Variants in VRK1 observed in about 807,000 individuals in gnomAD.
VRK1 encodes the protein serine/threonine-protein kinase VRK1.
VRK1 carries 33 observed loss-of-function variants against 57.1 expected under a neutral mutation model. The ratio of observed to expected loss-of-function variants is 0.58; its 90% CI spans 0.44 to 0.77. The LOEUF is 0.77. VRK1 is among the 30% of genes least tolerant of loss of function. The probability of loss-of-function intolerance (pLI) is 0.00; values close to 1 mark genes in which losing one functional copy is unlikely to be tolerated. For missense variants in VRK1, 413 were observed against 477.3 expected (o/e 0.87, Z 1.25); for synonymous variants, 137 against 147.8 (o/e 0.93, Z 0.53).
chr14:96,855,393 A>G, intron 8 of VRK1, 37 bp downstream of exon 8: 1 of 1,613,622 alleles, frequency 6.2e-7, no homozygotes, highest in East Asian at 2.2e-5. Context: ...ATAGACTGCT[A>G]ATGTTTTCAC....
At chr14:96,856,504 GA>G (rs754357846) in intron 9 of VRK1, 23 bp from the exon 10 acceptor site, 1 of 1,594,724 alleles carries the variant, frequency 6.3e-7, no homozygotes. Context: ...AAGCTTCAGT[GA>G]CTCATTCTTT....
intron 11 of VRK1, among the ~76,000 whole-genome samples, chr14:96,870,975 A>C (rs1004692676): frequency 5.9e-5 from 9 of 152,182 alleles, no homozygotes; most frequent in Non-Finnish European, 1.3e-4. Context: ...TGCTGAAAAA[A>C]ATGTGTTGCG....
chr14:96,813,382 C>T (rs1224342757), intron 1 of VRK1, among the ~76,000 whole-genome samples: 3 of 152,142 alleles, frequency 2.0e-5, no homozygotes, highest in Admixed American at 2.0e-4. Flanking sequence ...AAGAAACAGA[C>T]TTTAGAATCT....
chr14:96,847,140 A>G (rs1887733501), intron 4 of VRK1, 117 bp from the exon 5 acceptor site: 1 of 750,870 alleles, frequency 1.3e-6, no homozygotes. Context: ...TTTCTTTTTT[A>G]TGAATACAGG....
At position 96,819,619 on chromosome 14, in the gene VRK1, A is replaced by G. The variant is rs1170617130; in HGVS notation, c.-5-13848A>G. The stretch of plus-strand genomic sequence containing the variant: ...ATCAAAATAGGAGCCATTGCAGTCA[A>G]CACATTTTTGCCAATGAGAAGTAAG... On this transcript the variant is annotated intron_variant, in intron 1 of 12. Transcript: ENST00000216639. Among the ~76,000 whole-genome samples the G allele has an allele frequency of 8.5e-5, 13 of 152,346 alleles. 1 individual carries two copies. The highest frequency in any genetic ancestry group is 3.1e-4 in the African/African-American group (13 of 41,574).
At chr14:96,819,829 C>A (rs964619309) in intron 1 of VRK1, among the ~76,000 whole-genome samples, 2 of 152,272 alleles carry the variant, frequency 1.3e-5, no homozygotes, top group South Asian at 4.1e-4. Context: ...AACTTTGTAG[C>A]CCAATTCATT....
rs529376398 is a variant in VRK1, at chr14:96,881,303, C to A, written c.*95C>A. ...CTGTTTTATTTTCCTGTGAGTCTTG[C>A]GAGGTGGAAGTAATGATTAAATACT... On this transcript the variant is annotated 3_prime_UTR_variant, in exon 13 of 13. Coordinates refer to ENST00000216639, the MANE Select transcript of VRK1 (RefSeq NM_003384.3). 4 of 1,170,480 alleles carry A rather than the reference C, an allele frequency of 3.4e-6. No individual in the cohort carries two copies. Among genetic ancestry groups the A allele is most frequent in the Non-Finnish European group, 3.7e-6 (3 of 813,286 alleles). The allele number at this position is 1,170,480 out of a possible 1,614,324, so 72.5% of individuals were successfully genotyped here. A position where few individuals can be genotyped will look rare whatever the true frequency, so the allele number is the denominator to read the frequency against.
chr14:96,873,102 T>G (rs1431019175), intron 11 of VRK1, among the ~76,000 whole-genome samples: 1 of 152,198 alleles, frequency 6.6e-6, no homozygotes, highest in Non-Finnish European at 1.5e-5. Context: ...TACGCATCTC[T>G]TAGAGACAGC....
intron 1 of VRK1, among the ~76,000 whole-genome samples, chr14:96,826,221 C>G (rs1886796699): frequency 6.6e-6 from 1 of 152,060 alleles, no homozygotes; most frequent in Non-Finnish European, 1.5e-5. Flanking sequence ...AACAGAGGAC[C>G]ATTTTATCAT....
intron 1 of VRK1, among the ~76,000 whole-genome samples, chr14:96,813,327 A>G (rs1186491805): frequency 6.6e-6 from 1 of 152,212 alleles, no homozygotes; most frequent in Non-Finnish European, 1.5e-5. Flanking sequence ...TCATTTAGTA[A>G]GAAATGATAA....
rs1224075235 is a variant in VRK1 at position 96,881,457 on chromosome 14, G to C, written c.*249G>C. The C allele has an allele frequency of 2.5e-6, 1 of 406,834 alleles. No homozygotes were observed. The highest frequency in any genetic ancestry group is 2.0e-5 in the African/African-American group (1 of 49,220). The allele number at this position is 406,834 out of a possible 1,614,324, so 25.2% of individuals were successfully genotyped here. ...TATCCCAAAGCCGTGTGTTTGTGAT[G>C]TTTTGGAGTACATATATATGAAAAT... On this transcript the variant is annotated 3_prime_UTR_variant, in exon 13 of 13. Transcript: ENST00000216639.
At position 96,881,473 on chromosome 14, in the gene VRK1, A is replaced by G. The variant is rs1045127423; in HGVS notation, c.*265A>G. The G allele has an allele frequency of 2.8e-5, 10 of 351,700 alleles. No individual in the cohort carries two copies. The highest frequency in any genetic ancestry group is 8.4e-5 in the African/African-American group (4 of 47,502). 21.8% of individuals were successfully genotyped at this position (351,700 alleles called of 1,614,324 possible). ...GTTTGTGATGTTTTGGAGTACATAT[A>G]TATGAAAATTATTATGACACGCACT... On this transcript the variant is annotated 3_prime_UTR_variant, in exon 13 of 13. Coordinates refer to ENST00000216639, the MANE Select transcript of VRK1 (RefSeq NM_003384.3).
intron 1 of VRK1, among the ~76,000 whole-genome samples, chr14:96,798,689 ACATGCTGAG>A (rs1357455846): frequency 4.6e-5 from 7 of 152,302 alleles, no homozygotes; most frequent in African/African-American, 1.7e-4. Flanking sequence ...TTTCTTTATG[ACATGCTGAG>A]CATGATACTT....
In VRK1 at chr14:96,853,233, A is replaced by G. The variant is rs527957398; in HGVS notation, c.576+67A>G. The G allele has an allele frequency of 6.6e-5, 92 of 1,401,292 alleles. 1 individual carries two copies. The highest frequency in any genetic ancestry group is 3.6e-4 in the Middle Eastern group (2 of 5,602). 86.8% of individuals were successfully genotyped at this position (1,401,292 alleles called of 1,614,324 possible). Reference sequence around the variant, plus strand: ...TTTGAAAATAAATATGGTTGCTTTGAACTTTTGAACCTGTGTAGAAGTTTT... The same window carrying G: ...TTTGAAAATAAATATGGTTGCTTTGGACTTTTGAACCTGTGTAGAAGTTTT... On this transcript the variant is annotated intron_variant, in intron 7 of 12. Coordinates refer to ENST00000216639, the MANE Select transcript of VRK1 (RefSeq NM_003384.3).
At chr14:96,873,719 G>A (rs775081315) in intron 11 of VRK1, among the ~76,000 whole-genome samples, 10 of 152,210 alleles carry the variant, frequency 6.6e-5, no homozygotes, top group Non-Finnish European at 1.3e-4. Flanking sequence ...GAAGCTGGGA[G>A]CAGATTGCTT....
intron 2 of VRK1, among the ~76,000 whole-genome samples, chr14:96,836,153 T>C (rs190172925): frequency 6.6e-6 from 1 of 152,178 alleles, no homozygotes; most frequent in Non-Finnish European, 1.5e-5. Flanking sequence ...TTATTTTACA[T>C]TGTTTTTGTA....
intron 2 of VRK1, 39 bp downstream of exon 2, chr14:96,833,670 T>A (rs201819730): frequency 5.0e-6 from 8 of 1,612,452 alleles, no homozygotes; most frequent in African/African-American, 2.7e-5. Flanking sequence ...ATCCAAAGAT[T>A]TATATGTTTT....
intron 1 of VRK1, among the ~76,000 whole-genome samples, chr14:96,820,773 A>G (rs28373911): frequency 0.02 from 3,103 of 152,282 alleles, 114 homozygotes; most frequent in African/African-American, 0.07. Context: ...AAAAACCACA[A>G]TTATTTTTGC....
At chr14:96,856,481 A>G in intron 9 of VRK1, 47 bp from the exon 10 acceptor site, 6 of 1,476,132 alleles carry the variant, frequency 4.1e-6, no homozygotes, top group Non-Finnish European at 5.7e-6. Context: ...ATTTCATATT[A>G]ACATATGACA....
Sources: gnomAD v4.1 joint callset for allele counts (sites outside exome capture counted in the v4.1 genomes callset) on GRCh38, gnomAD v4.1.1 for gene constraint, MANE v1.5 for transcripts, NCBI Gene and HGNC (gene_info 2026-07-23, HGNC 2026-07-21) for gene names.